Variants in STAP2 observed in about 807,000 individuals in gnomAD.
STAP2 encodes the protein signal-transducing adaptor protein 2.
Under a neutral mutation model 52.7 loss-of-function variants are expected in STAP2, and 58 were observed. The ratio of observed to expected loss-of-function variants is 1.10; its 90% CI spans 0.89 to 1.37. The LOEUF (loss-of-function observed/expected upper bound fraction) is 1.37. Ranked by LOEUF, STAP2 falls within the 40% of genes most tolerant of loss-of-function variation. The pLI is 0.00. For missense variants in STAP2, 522 were observed against 519.4 expected (o/e 1.00, Z -0.05); for synonymous variants, 231 against 210.5 (o/e 1.10, Z -0.84).
intron 3 of STAP2, among the ~76,000 whole-genome samples, chr19:4,332,779 G>C (rs1480305639): frequency 6.6e-6 from 1 of 152,120 alleles, no homozygotes; most frequent in Admixed American, 6.5e-5. Context: ...AGTGAGCTAT[G>C]ATCTCACTAC....
At chr19:4,325,001 T>A (rs991047256) in intron 11 of STAP2, 11 of 542,252 alleles carry the variant, frequency 2.0e-5, no homozygotes, top group Non-Finnish European at 3.3e-6. Flanking sequence ...TAGCTGGGCA[T>A]GGTGGCGGGC....
chr19:4,338,243 G>A (rs2144799370), intron 1 of STAP2: 1 of 172,398 alleles, frequency 5.8e-6, no homozygotes, highest in African/African-American at 2.4e-5. Flanking sequence ...CAGCAGCTGA[G>A]GTTCACGGAG....
chr19:4,331,035 C>T (rs185187804), intron 4 of STAP2, among the ~76,000 whole-genome samples: 1 of 144,274 alleles, frequency 6.9e-6, no homozygotes, highest in Non-Finnish European at 1.5e-5. Flanking sequence ...TTTTTAAAAA[C>T]TTAGCACTCT....
At chr19:4,331,654 C>T (rs1414747103) in intron 4 of STAP2, among the ~76,000 whole-genome samples, 1 of 143,666 alleles carries the variant, frequency 7.0e-6, no homozygotes, top group Non-Finnish European at 1.5e-5. Context: ...AAATTTTGGC[C>T]GGGCCCGGTG....
intron 3 of STAP2, among the ~76,000 whole-genome samples, chr19:4,332,937 C>A (rs1280526916): frequency 6.6e-6 from 1 of 152,188 alleles, no homozygotes; most frequent in Non-Finnish European, 1.5e-5. Flanking sequence ...TGCCTGTAAT[C>A]CCAGCACTTT....
intron 4 of STAP2, among the ~76,000 whole-genome samples, chr19:4,331,485 C>A (rs1971888702): frequency 6.6e-6 from 1 of 151,524 alleles, no homozygotes; most frequent in Non-Finnish European, 1.5e-5. Flanking sequence ...CAAAAATTAG[C>A]CAGGCGTGGT....
At chr19:4,332,987 C>T (rs1384951460) in intron 3 of STAP2, among the ~76,000 whole-genome samples, 1 of 151,670 alleles carries the variant, frequency 6.6e-6, no homozygotes, top group Non-Finnish European at 1.5e-5. Context: ...GTCAGGAGTT[C>T]GAGACCAGCC....
At position 4,338,688 on chromosome 19, in the gene STAP2, ATAG is replaced by A; in HGVS notation, c.63_65del (p.Tyr22del). Reference sequence around the variant, plus strand: ...GCCCCTTCTTCTCTAGAAAGCTCTCATAGTAGTGTGAAGGCAGGACACCCTTAG... The same window carrying A: ...GCCCCTTCTTCTCTAGAAAGCTCTCATAGTGTGAAGGCAGGACACCCTTAG... On this transcript the variant is annotated inframe_deletion, in exon 1 of 13. Coordinates refer to ENST00000594605, the MANE Select transcript of STAP2 (RefSeq NM_001013841.2). 1.9e-6 allele frequency: 3 copies of A among 1,613,424 alleles called. No homozygotes were observed. The highest frequency in any genetic ancestry group is 1.7e-6 in the Non-Finnish European group (2 of 1,179,690).
Position 4,325,559 on chromosome 19 carries a change from G to A in STAP2, c.830-14C>T, listed in dbSNP as rs528836093. ...AGGGTGCAGGACCTGATGGGGAAAC[G>A]TGGTCACTGTCAAGACCCATGTCAT... On this transcript the variant is annotated splice_polypyrimidine_tract_variant and intron_variant, in intron 9 of 12. Coordinates refer to ENST00000594605, the MANE Select transcript of STAP2 (RefSeq NM_001013841.2). 1,245 of 1,562,558 alleles carry A rather than the reference G, an allele frequency of 8.0e-4. 15 individuals are homozygous for A. In the South Asian group the frequency reaches 0.013, roughly 17 times the overall value.
chr19:4,333,292 C>CT (rs1021175331), intron 3 of STAP2, among the ~76,000 whole-genome samples: 8 of 152,238 alleles, frequency 5.3e-5, no homozygotes, highest in African/African-American at 1.7e-4. Flanking sequence ...GTGAGGAGTT[C>CT]CAGGCCAGCA....
At chr19:4,326,595 G>A (rs1971795813) in intron 9 of STAP2, among the ~76,000 whole-genome samples, 1 of 151,996 alleles carries the variant, frequency 6.6e-6, no homozygotes, top group Admixed American at 6.6e-5. Flanking sequence ...TCTACCTAAG[G>A]AGATCCTTTG....
intron 12 of STAP2, 27 bp from the exon 13 acceptor site, chr19:4,324,224 G>T: frequency 1.3e-6 from 2 of 1,549,058 alleles, no homozygotes; most frequent in Non-Finnish European, 8.7e-7. Context: ...AGGAGCTGCA[G>T]CTGGCTCAGG....
chr19:4,332,145 A>G lies in STAP2; in HGVS notation c.298-67T>C, dbSNP rs1971902111. Reference sequence around the variant, plus strand: ...TCAGTCTACTCATCAATGAAATTGGACTAGGGAAGAGTCCCTGCTTCAAAG... The same window carrying G: ...TCAGTCTACTCATCAATGAAATTGGGCTAGGGAAGAGTCCCTGCTTCAAAG... On this transcript the variant is annotated intron_variant, in intron 3 of 12. Coordinates refer to ENST00000594605, the MANE Select transcript of STAP2 (RefSeq NM_001013841.2). The G allele has an allele frequency of 3.0e-6, 4 of 1,348,360 alleles. No individual in the cohort carries two copies. The East Asian group carries it at 7.4e-5, about 25-fold the overall frequency. The allele number at this position is 1,348,360 out of a possible 1,614,324, so 83.5% of individuals were successfully genotyped here.
intron 4 of STAP2, among the ~76,000 whole-genome samples, chr19:4,331,022 T>C (rs921145324): frequency 1.3e-5 from 2 of 148,480 alleles, no homozygotes; most frequent in Non-Finnish European, 3.0e-5. Context: ...CAATGTCAGC[T>C]AATTTTTAAA....
At chr19:4,336,809 T>A (rs894501252) in intron 1 of STAP2, among the ~76,000 whole-genome samples, 1 of 151,444 alleles carries the variant, frequency 6.6e-6, no homozygotes, top group Non-Finnish European at 1.5e-5. Context: ...AATTTTTGTA[T>A]TTTTTAGTAG....
Position 4,328,726 on chromosome 19 carries a change from C to A in STAP2, c.539G>T (p.Ser180Ile). The change falls in exon 6 of 13, where the codon AGC becomes ATC. Residue 180 changes from serine (S) to isoleucine (I), a missense_variant. Transcript: ENST00000594605. ...CGACACGCCGTCGGCGCCGTCCCCG[C>A]TGGGCCGCAGCAGCAGGTTCCCGCA... ...PECGNLLLRP[S>I]GDGADGVSVT... 6.2e-7 allele frequency: 1 copy of A among 1,608,960 alleles called. No homozygotes were observed. The highest frequency in any genetic ancestry group is 8.5e-7 in the Non-Finnish European group (1 of 1,178,368).
intron 4 of STAP2, 85 bp from the exon 5 acceptor site, chr19:4,330,146 G>T: frequency 1.9e-6 from 2 of 1,050,394 alleles, no homozygotes; most frequent in Non-Finnish European, 1.5e-6. Context: ...GCAAATTGAG[G>T]CCAGAGCTCA....
chr19:4,327,811 C>A (rs1374385287), intron 6 of STAP2, among the ~76,000 whole-genome samples: 1 of 152,068 alleles, frequency 6.6e-6, no homozygotes, highest in East Asian at 1.9e-4. Context: ...CCCCAGGCAC[C>A]GACTCTACCT....
rs532939697 is a variant in STAP2, at chr19:4,332,491, C to T, written c.298-413G>A. ...AAAGTGCTCAGATTACAGGCATGAG[C>T]CACCATGCCTGGCTGATATTATGAT... On this transcript the variant is annotated intron_variant, in intron 3 of 12. Transcript: ENST00000594605. Among the ~76,000 whole-genome samples the T allele has an allele frequency of 4.6e-5, 7 of 152,088 alleles. No individual in the cohort carries two copies. The South Asian group carries it at 1.5e-3, about 32-fold the overall frequency.
Sources: gnomAD v4.1 joint callset for allele counts (sites outside exome capture counted in the v4.1 genomes callset) on GRCh38, gnomAD v4.1.1 for gene constraint, MANE v1.5 for transcripts, NCBI Gene and HGNC (gene_info 2026-07-23, HGNC 2026-07-21) for gene names.